CDKN2B-AS1: variants seen among roughly 807,000 people sequenced by gnomAD.
CDKN2B-AS1 encodes CDKN2B and CDKN2A antisense cis and trans regulatory RNA 1.
chr9:22,012,148 C>T, intron 1 of CDKN2B-AS1: 2 of 1,233,296 alleles, frequency 1.6e-6, no homozygotes, highest in Non-Finnish European at 2.4e-6. Flanking sequence ...GAGCTGCAGA[C>T]ACAGAGATGC....
chr9:22,031,944 A>G (rs1822490969), intron 1 of CDKN2B-AS1, among the ~76,000 whole-genome samples: 1 of 152,236 alleles, frequency 6.6e-6, no homozygotes, highest in Non-Finnish European at 1.5e-5. Flanking sequence ...AACAGCAAGC[A>G]GTAAACAGAT....
intron 4 of CDKN2B-AS1, chr9:22,112,308 C>G (rs1434219662): frequency 6.6e-6 from 1 of 152,288 alleles, no homozygotes; most frequent in Non-Finnish European, 1.5e-5. Context: ...ACTTTCTTCT[C>G]TTTCACTGTA....
chr9:22,043,338 G>A (rs978998266), intron 1 of CDKN2B-AS1, among the ~76,000 whole-genome samples: 1 of 151,832 alleles, frequency 6.6e-6, no homozygotes, highest in East Asian at 1.9e-4. Flanking sequence ...TGTTGAATAA[G>A]GTATGAATTA....
chr9:22,105,727 A>ATGTCC, intron 4 of CDKN2B-AS1, among the ~76,000 whole-genome samples: 1 of 152,340 alleles, frequency 6.6e-6, no homozygotes, highest in South Asian at 2.1e-4. Context: ...AGAAGTGCCA[A>ATGTCC]TGTCCTGAAA....
intron 1 of CDKN2B-AS1, among the ~76,000 whole-genome samples, chr9:22,024,074 A>G (rs1347617100): frequency 6.6e-6 from 1 of 152,194 alleles, no homozygotes; most frequent in Admixed American, 6.5e-5. Flanking sequence ...TTGTGGGCTC[A>G]TCTACCTTCA....
At chr9:22,021,647 C>G (rs1822022381) in intron 1 of CDKN2B-AS1, among the ~76,000 whole-genome samples, 1 of 151,606 alleles carries the variant, frequency 6.6e-6, no homozygotes, top group Non-Finnish European at 1.5e-5. Context: ...TTTTTGTATC[C>G]TGAGACTTTG....
At chr9:22,056,234 A>ATATATATATTTT (rs777560826) in intron 3 of CDKN2B-AS1, 2 of 98,278 alleles carry the variant, frequency 2.0e-5, no homozygotes, top group African/African-American at 8.0e-5. Context: ...ATATATATAT[A>ATATATATATTTT]TTTTTTTTTT....
rs193005013 is a variant in CDKN2B-AS1 at position 22,085,493 on chromosome 9, G to T, written n.438+29106G>T. 7.9e-3 allele frequency among the ~76,000 whole-genome samples: 1,197 copies of T among 152,238 alleles called. 17 individuals are homozygous for T. The highest frequency in any genetic ancestry group is 0.027 in the African/African-American group (1,124 of 41,514). ...CCCAGCACTTTGGGAGGCTGAGGCG[G>T]GCGGATCACGAGGTCAGGAGATCAA... On this transcript the variant is annotated intron_variant and non_coding_transcript_variant, in intron 4 of 4. Coordinates refer to ENST00000650946, the Ensembl canonical transcript of CDKN2B-AS1.
intron 1 of CDKN2B-AS1, among the ~76,000 whole-genome samples, chr9:22,033,399 A>T (rs1373960791): frequency 6.6e-6 from 1 of 152,180 alleles, no homozygotes; most frequent in Non-Finnish European, 1.5e-5. Context: ...TCCTCACTAT[A>T]TGCCAGCAAA....
rs1820916807 is a variant in CDKN2B-AS1, at chr9:22,001,482, C to A, written n.29+6321C>A. On this transcript the variant is annotated intron_variant and non_coding_transcript_variant, in intron 1 of 4. Coordinates refer to ENST00000650946, the Ensembl canonical transcript of CDKN2B-AS1. This position sits in a 1 kb window ranked among gnomAD's most constrained non-coding sequence, Gnocchi z 4.2. ...AAACTCTTTTGTTTTACATTTAGTT[C>A]ACACCACAAATTAGTAAGTCAGGCT... 6.6e-6 allele frequency among the ~76,000 whole-genome samples: 1 copy of A among 152,110 alleles called. No individual in the cohort carries two copies. Among genetic ancestry groups the A allele is most frequent in the African/African-American group, 2.4e-5 (1 of 41,436 alleles).
chr9:22,127,270 T>G (rs1818034154), exon 5 of CDKN2B-AS1, among the ~76,000 whole-genome samples: 1 of 152,000 alleles, frequency 6.6e-6, no homozygotes, highest in Non-Finnish European at 1.5e-5. Context: ...TTGGTAGAGA[T>G]GGTGTTTCAC....
intron 3 of CDKN2B-AS1, chr9:22,056,232 A>ATTTT (rs1469755746): frequency 9.6e-6 from 1 of 104,420 alleles, no homozygotes; most frequent in African/African-American, 3.4e-5. Flanking sequence ...ATATATATAT[A>ATTTT]TATTTTTTTT....
intron 1 of CDKN2B-AS1, among the ~76,000 whole-genome samples, chr9:22,038,651 C>G (rs1312175256): frequency 6.6e-6 from 1 of 151,790 alleles, no homozygotes; most frequent in Admixed American, 6.6e-5. Context: ...GTTTAAGAAA[C>G]AAGTTGGATA....
At chr9:22,028,845 G>T (rs1277927779) in intron 1 of CDKN2B-AS1, among the ~76,000 whole-genome samples, 1 of 151,968 alleles carries the variant, frequency 6.6e-6, no homozygotes, top group African/African-American at 2.4e-5. Context: ...CCTTTCCTTG[G>T]CATGATACAA....
At chr9:22,089,841 T>A (rs1825006621) in intron 4 of CDKN2B-AS1, among the ~76,000 whole-genome samples, 1 of 152,184 alleles carries the variant, frequency 6.6e-6, no homozygotes, top group Non-Finnish European at 1.5e-5. Flanking sequence ...TTTTTTTTAA[T>A]TATACTTTAC....
At chr9:22,057,785 C>T (rs1191415374) in intron 4 of CDKN2B-AS1, among the ~76,000 whole-genome samples, 2 of 150,592 alleles carry the variant, frequency 1.3e-5, no homozygotes, top group Non-Finnish European at 3.0e-5. Flanking sequence ...CCAGCCTGGG[C>T]GATAGAGTGA....
chr9:22,018,915 T>C lies in CDKN2B-AS1; in HGVS notation n.29+23754T>C, dbSNP rs533503602. ...TTAATTTCAAAACATGGTAAGTGCA[T>C]AGTGAGAGAGCTGATCTGGTCTGGT... On this transcript the variant is annotated intron_variant and non_coding_transcript_variant, in intron 1 of 4. Transcript: ENST00000650946. 4.6e-5 allele frequency among the ~76,000 whole-genome samples: 7 copies of C among 152,296 alleles called. 1 individual carries two copies. The highest frequency in any genetic ancestry group is 1.7e-4 in the African/African-American group (7 of 41,554).
chr9:22,073,608 C>G (rs1453387765), intron 4 of CDKN2B-AS1, among the ~76,000 whole-genome samples: 3 of 152,070 alleles, frequency 2.0e-5, no homozygotes, highest in Non-Finnish European at 4.4e-5. Flanking sequence ...TTTGCAGCAC[C>G]CTTAGTTTTA....
Position 22,065,018 on chromosome 9 carries a change from T to C in CDKN2B-AS1, n.438+8631T>C, listed in dbSNP as rs140975441. Among the ~76,000 whole-genome samples, 454 of 152,300 alleles carry C rather than the reference T, an allele frequency of 3.0e-3. 4 individuals carry two copies. The highest frequency in any genetic ancestry group is 0.024 in the Middle Eastern group (7 of 294). ...ATGTATTTCTCTTTGTACTCTTCAC[T>C]GTATCTGTAACACATTCCCTAGGAT... On this transcript the variant is annotated intron_variant and non_coding_transcript_variant, in intron 4 of 4. Transcript: ENST00000650946.
Sources: allele counts gnomAD v4.1 joint callset (sites outside exome capture counted in the v4.1 genomes callset), GRCh38; gene constraint gnomAD v4.1.1; non-coding constraint Gnocchi (gnomAD v3.1); transcripts MANE v1.5; gene names NCBI Gene and HGNC (gene_info 2026-07-23, HGNC 2026-07-21).